Variants in ITCH observed in about 807,000 individuals in gnomAD.
ITCH encodes E3 ubiquitin-protein ligase Itchy homolog.
In ITCH, 28 loss-of-function variants were observed where a neutral mutation model predicts 126.8. That is an observed-to-expected ratio of 0.22 (90% CI 0.16 to 0.30). The LOEUF is 0.30. Among genes scored for constraint, ITCH ranks in the 10% least tolerant of loss-of-function variants. The pLI is 1.00. For synonymous variants in ITCH, 342 were observed against 340.0 expected, an observed-to-expected ratio of 1.01 and a Z score of -0.06; for missense variants, 631 against 1,032.4, an observed-to-expected ratio of 0.61 and a Z score of 5.33.
chr20:34,411,602 TGGTGCTGGTTAATAGGTACA>T (rs1312296132), intron 4 of ITCH, among the ~76,000 whole-genome samples: 2 of 152,192 alleles, frequency 1.3e-5, no homozygotes, highest in Admixed American at 1.3e-4. Flanking sequence ...GCCGTTGAAA[TGGTGCTGGTTAATAGGTACA>T]GGTAGACTTC....
intron 14 of ITCH, among the ~76,000 whole-genome samples, chr20:34,464,528 T>C (rs1986863334): frequency 6.6e-6 from 1 of 151,892 alleles, no homozygotes; most frequent in African/African-American, 2.4e-5. Context: ...GGTTTCTCCT[T>C]GTTGGTCAGG....
chr20:34,505,928 C>T (rs1284741330), intron 24 of ITCH, among the ~76,000 whole-genome samples: 4 of 152,178 alleles, frequency 2.6e-5, no homozygotes, highest in African/African-American at 9.7e-5. Flanking sequence ...CTAGCATATA[C>T]AGTATTTCAT....
intron 6 of ITCH, among the ~76,000 whole-genome samples, chr20:34,419,841 A>G (rs1980520112): frequency 1.3e-5 from 2 of 151,828 alleles, no homozygotes; most frequent in African/African-American, 2.4e-5. Context: ...TAGGCCATTC[A>G]CTTTTACTGC....
intron 12 of ITCH, among the ~76,000 whole-genome samples, chr20:34,453,561 C>T (rs1308334896): frequency 2.6e-5 from 4 of 152,220 alleles, no homozygotes; most frequent in South Asian, 4.2e-4. Context: ...TGTATCACTG[C>T]ACTCCAGCCT....
intron 2 of ITCH, among the ~76,000 whole-genome samples, chr20:34,370,333 A>C (rs181640100): frequency 1.3e-5 from 2 of 152,256 alleles, no homozygotes; most frequent in South Asian, 2.1e-4. Flanking sequence ...ATACCTATTA[A>C]ATCTTTAGAA....
chr20:34,417,400 C>CT lies in ITCH; in HGVS notation c.475+3537dup, dbSNP rs1285064114. ...GGCGTGAGCCACTGCGCCCGGCTGA[C>CT]TTTTTTTTTTTTTTTTGAGACGGAG... On this transcript the variant is annotated intron_variant, in intron 6 of 24. Transcript: ENST00000374864. Among the ~76,000 whole-genome samples, 634 of 115,016 alleles carry CT rather than the reference C, an allele frequency of 5.5e-3. 3 individuals carry two copies. The highest frequency in any genetic ancestry group is 0.014 in the African/African-American group (435 of 30,948). 75.5% of individuals were successfully genotyped at this position (115,016 alleles called of 152,430 possible).
chr20:34,499,888 C>T (rs1990144167), intron 23 of ITCH, among the ~76,000 whole-genome samples: 1 of 151,878 alleles, frequency 6.6e-6, no homozygotes, highest in Non-Finnish European at 1.5e-5. Flanking sequence ...ATTGTGTTTC[C>T]ATTTGCATTT....
At chr20:34,436,293 A>C (rs1982994070) in intron 7 of ITCH, among the ~76,000 whole-genome samples, 1 of 152,164 alleles carries the variant, frequency 6.6e-6, no homozygotes, top group African/African-American at 2.4e-5. Context: ...TTTAGGATGC[A>C]TTCTTGGGTC....
At chr20:34,461,531 A>G (rs1986498155) in intron 13 of ITCH, among the ~76,000 whole-genome samples, 1 of 152,086 alleles carries the variant, frequency 6.6e-6, no homozygotes, top group Non-Finnish European at 1.5e-5. Context: ...CAACATGGTG[A>G]AACCCTGTCT....
chr20:34,429,733 CT>C (rs1269006252), intron 7 of ITCH, among the ~76,000 whole-genome samples: 6 of 151,946 alleles, frequency 3.9e-5, no homozygotes, highest in Non-Finnish European at 7.4e-5. Context: ...TTGAGAGCTG[CT>C]TTGAATCTTG....
chr20:34,490,300 G>T (rs1285816473), intron 22 of ITCH, among the ~76,000 whole-genome samples: 1 of 152,128 alleles, frequency 6.6e-6, no homozygotes, highest in Admixed American at 6.6e-5. Context: ...AATCATAACG[G>T]TATCTCTCTA....
chr20:34,406,830 G>A (rs1381509273), intron 3 of ITCH, among the ~76,000 whole-genome samples: 1 of 152,072 alleles, frequency 6.6e-6, no homozygotes, highest in Non-Finnish European at 1.5e-5. Context: ...CACCGCACCC[G>A]GCTATATTAA....
intron 8 of ITCH, 120 bp downstream of exon 8, chr20:34,438,751 T>A: frequency 7.6e-7 from 1 of 1,323,580 alleles, no homozygotes; most frequent in Non-Finnish European, 1.1e-6. Context: ...CATTTAAGAT[T>A]TTGGAAAAGA....
chr20:34,436,830 T>C (rs1468622510), intron 7 of ITCH, among the ~76,000 whole-genome samples: 1 of 152,226 alleles, frequency 6.6e-6, no homozygotes, highest in Non-Finnish European at 1.5e-5. Context: ...TGAAAATGTC[T>C]TTTAAAATAT....
intron 6 of ITCH, among the ~76,000 whole-genome samples, 181 bp downstream of exon 6, chr20:34,414,060 T>C (rs1979452315): frequency 6.6e-6 from 1 of 151,870 alleles, no homozygotes; most frequent in Non-Finnish European, 1.5e-5. Context: ...GAAAGATTGC[T>C]TGAGCTTGGA....
chr20:34,454,817 G>GTTTTTTTTTT (rs200486269), intron 12 of ITCH, among the ~76,000 whole-genome samples: 9 of 109,550 alleles, frequency 8.2e-5, no homozygotes, highest in East Asian at 2.9e-4. Context: ...TTCTTTTCCT[G>GTTTTTTTTTT]TTTTTTTTTT....
At chr20:34,396,161 G>C (rs538852552) in intron 3 of ITCH, among the ~76,000 whole-genome samples, 2 of 151,598 alleles carry the variant, frequency 1.3e-5, no homozygotes, top group Non-Finnish European at 2.9e-5. Flanking sequence ...AGTCTTCTGA[G>C]TAGCTGGGAC....
chr20:34,459,544 G>T (rs1248973567), intron 13 of ITCH, among the ~76,000 whole-genome samples: 1 of 152,140 alleles, frequency 6.6e-6, no homozygotes, highest in Non-Finnish European at 1.5e-5. Flanking sequence ...CATTCCAAGG[G>T]CCTAAACATC....
In ITCH at chr20:34,392,223, T is replaced by A. The variant is rs115221634; in HGVS notation, c.-21-1568T>A. On this transcript the variant is annotated intron_variant, in intron 2 of 24. Coordinates refer to ENST00000374864, the MANE Select transcript of ITCH (RefSeq NM_031483.7). ...ATGGTGTTAAGGCTTTTAGGTTACA[T>A]CTCATTTCTGAATGTATTCTGGATG... Among the ~76,000 whole-genome samples the A allele has an allele frequency of 4.7e-3, 713 of 152,306 alleles. 9 individuals are homozygous for A. The highest frequency in any genetic ancestry group is 0.017 in the African/African-American group (692 of 41,572).
Sources: gnomAD v4.1 joint callset for allele counts (sites outside exome capture counted in the v4.1 genomes callset) on GRCh38, gnomAD v4.1.1 for gene constraint, MANE v1.5 for transcripts, NCBI Gene and HGNC (gene_info 2026-07-23, HGNC 2026-07-21) for gene names.